CASQ1: variants seen among roughly 807,000 people sequenced by gnomAD.
CASQ1 encodes the protein calsequestrin-1.
CASQ1 carries 40 observed loss-of-function variants against 49.5 expected under a neutral mutation model. That is an observed-to-expected ratio of 0.81 (90% CI 0.63 to 1.05). The LOEUF (loss-of-function observed/expected upper bound fraction) is 1.05, where lower values mean the gene tolerates loss of function less well. CASQ1 is among the 50% of genes least tolerant of loss of function. The probability of loss-of-function intolerance (pLI) is 0.00; values close to 1 mark genes in which losing one functional copy is unlikely to be tolerated. For missense variants in CASQ1, 469 were observed against 486.9 expected, an observed-to-expected ratio of 0.96 and a Z score of 0.35; for synonymous variants, 174 against 187.2, an observed-to-expected ratio of 0.93 and a Z score of 0.58.
At chr1:160,199,162 G>GAT in intron 9 of CASQ1, 109 bp downstream of exon 9, 7 of 778,540 alleles carry the variant, frequency 9.0e-6, no homozygotes, top group Non-Finnish European at 1.6e-5. Flanking sequence ...CCTAGCTGGG[G>GAT]GGCCCTGGGA....
rs78641831 is a variant in CASQ1 at position 160,198,211 on chromosome 1, C to T, written c.829-466C>T. On this transcript the variant is annotated intron_variant, in intron 7 of 10. Coordinates refer to ENST00000368078, the MANE Select transcript of CASQ1 (RefSeq NM_001231.5). The stretch of plus-strand genomic sequence containing the variant: ...GTCACTTGGAAAAAGGTCACCATCA[C>T]AAGAATATATATGGCCAGGCGCAGT... 62 of 160,108 alleles carry T rather than the reference C, an allele frequency of 3.9e-4. 1 individual carries two copies. In the East Asian group the frequency reaches 0.01, roughly 26 times the overall value. 9.9% of individuals were successfully genotyped at this position (160,108 alleles called of 1,614,324 possible).
intron 3 of CASQ1, among the ~76,000 whole-genome samples, chr1:160,194,808 C>T (rs754067771): frequency 1.1e-4 from 16 of 149,374 alleles, no homozygotes; most frequent in Admixed American, 4.7e-4. Flanking sequence ...ATATCACATG[C>T]ACACACACAC....
chr1:160,196,516 C>T (rs531693541), intron 6 of CASQ1, among the ~76,000 whole-genome samples: 63 of 151,410 alleles, frequency 4.2e-4, no homozygotes, highest in African/African-American at 1.5e-3. Context: ...CTTACTCTAT[C>T]CCCTAGGCTG....
rs765926758 is a variant in CASQ1, at chr1:160,198,961, G to C, written c.892G>C (p.Glu298Gln). ...FAEEADPDGF[E>Q]FLETLKAVAQ... is the part of the protein sequence containing the mutation. ...CTTGTGTTCCCTCCAAGATGGTTTC[G>C]AGTTCTTAGAGACTCTCAAGGCTGT... The change falls in exon 9 of 11, where the codon GAG becomes CAG. Residue 298 changes from glutamate to glutamine, a missense_variant. Coordinates refer to ENST00000368078, the MANE Select transcript of CASQ1 (RefSeq NM_001231.5). The C allele has an allele frequency of 1.2e-6, 2 of 1,607,376 alleles. No homozygotes were observed. Among genetic ancestry groups the C allele is most frequent in the South Asian group, 2.2e-5 (2 of 90,928 alleles).
At chr1:160,199,149 C>G in intron 9 of CASQ1, 96 bp downstream of exon 9, 12 of 830,912 alleles carry the variant, frequency 1.4e-5, no homozygotes, top group Non-Finnish European at 2.5e-5. Context: ...CCCATCCCCA[C>G]CTCCTAGCTG....
At chr1:160,200,438 T>A (rs995534487) in intron 10 of CASQ1, among the ~76,000 whole-genome samples, 1 of 149,370 alleles carries the variant, frequency 6.7e-6, no homozygotes, top group Non-Finnish European at 1.5e-5. Flanking sequence ...TCTGATAAAC[T>A]TTATAATAAC....
chr1:160,197,733 G>A (rs1654276009), intron 7 of CASQ1, 119 bp downstream of exon 7: 1 of 734,056 alleles, frequency 1.4e-6, no homozygotes, highest in East Asian at 2.6e-5. Context: ...ACAGTGCACT[G>A]ACCAGCTGGG....
At chr1:160,195,246 CG>C (rs373165444) in intron 4 of CASQ1, 123 bp downstream of exon 4, 92 of 745,374 alleles carry the variant, frequency 1.2e-4, no homozygotes, top group African/African-American at 1.1e-3. Context: ...TTCCTCCAGC[CG>C]TGGTCAGCAC....
chr1:160,192,960 G>A, intron 2 of CASQ1, 74 bp downstream of exon 2: 1 of 1,166,312 alleles, frequency 8.6e-7, no homozygotes, highest in Non-Finnish European at 1.3e-6. Context: ...GGACCTGTCA[G>A]GCAGTCCTTG....
intron 2 of CASQ1, 56 bp from the exon 3 acceptor site, chr1:160,193,690 TG>T: frequency 9.7e-7 from 1 of 1,030,132 alleles, no homozygotes; most frequent in South Asian, 1.4e-5. Context: ...CTTGAATCTG[TG>T]GGAAGCCTGG....
Position 160,196,667 on chromosome 1 carries a change from G to A in CASQ1, c.782+640G>A, listed in dbSNP as rs148114941. Among the ~76,000 whole-genome samples the A allele has an allele frequency of 5.4e-4, 82 of 152,054 alleles. 1 individual carries two copies. The East Asian group carries it at 0.016, about 29-fold the overall frequency. ...ATTTTTGTATTTTTAGTAGAGATGG[G>A]GTTTCACCACGTTGGCCTGGCTGGT... is the stretch of plus-strand genomic sequence containing the variant. On this transcript the variant is annotated intron_variant, in intron 6 of 10. Coordinates refer to ENST00000368078, the MANE Select transcript of CASQ1 (RefSeq NM_001231.5).
In CASQ1 at chr1:160,192,891, G is replaced by C. The variant is rs377312806; in HGVS notation, c.364+5G>C. On this transcript the variant is annotated splice_donor_5th_base_variant and intron_variant, in intron 2 of 10. Transcript: ENST00000368078. ...CAGCTGTGGCCAAGAAACTAGGTAAGAGAGGGGAGGGCAGGGGAGGGGAAG... is the reference window on the plus strand; with the variant it reads ...CAGCTGTGGCCAAGAAACTAGGTAACAGAGGGGAGGGCAGGGGAGGGGAAG... 17 of 1,612,278 alleles carry C rather than the reference G, an allele frequency of 1.1e-5. No individual in the cohort carries two copies. The highest frequency in any genetic ancestry group is 1.7e-4 in the Middle Eastern group (1 of 6,060).
At chr1:160,198,796 C>T (rs1654302885) in intron 8 of CASQ1, 65 bp downstream of exon 8, 2 of 1,437,562 alleles carry the variant, frequency 1.4e-6, no homozygotes, top group Non-Finnish European at 2.0e-6. Flanking sequence ...TTTATTGGAG[C>T]ATGGGCCTCA....
intron 7 of CASQ1, among the ~76,000 whole-genome samples, chr1:160,198,004 C>A (rs1430172833): frequency 6.6e-6 from 1 of 151,430 alleles, no homozygotes; most frequent in Non-Finnish European, 1.5e-5. Context: ...GAGTGAGACT[C>A]CGTCTCAAAA....
At chr1:160,198,832 A>G (rs754772213) in intron 8 of CASQ1, 101 bp downstream of exon 8, 13 of 1,266,802 alleles carry the variant, frequency 1.0e-5, no homozygotes, top group Non-Finnish European at 1.5e-5. Context: ...GGGAGTTTGC[A>G]AACAGCCTAG....
At chr1:160,194,899 C>A in intron 3 of CASQ1, 113 bp from the exon 4 acceptor site, 1 of 643,502 alleles carries the variant, frequency 1.6e-6, no homozygotes, top group East Asian at 2.7e-5. Context: ...CACACCCACA[C>A]ACTGTCAACA....
chr1:160,196,519 C>T (rs1654245931), intron 6 of CASQ1, among the ~76,000 whole-genome samples: 1 of 151,638 alleles, frequency 6.6e-6, no homozygotes, highest in Non-Finnish European at 1.5e-5. Context: ...ACTCTATCCC[C>T]TAGGCTGGAG....
In CASQ1 at chr1:160,190,845, G is replaced by T. The variant is rs1005317138; in HGVS notation, c.94G>T (p.Val32Leu). The change falls in exon 1 of 11, where the codon GTA (valine) becomes TTA (leucine). Residue 32 changes from valine to leucine, a missense_variant. Physicochemically the swap from Val to Leu is conservative, Grantham distance 32. Transcript: ENST00000368078. ...GGTGCTAGGGACACCCAAGTCAGGG[G>T]TACAGGGGCAGGAAGGGCTGGACTT... is the stretch of plus-strand genomic sequence containing the variant. ...LLVLGTPKSGVQGQEGLDFPE... is the reference protein window; with the variant it reads ...LLVLGTPKSGLQGQEGLDFPE... The T allele has an allele frequency of 6.2e-7, 1 of 1,614,088 alleles. No homozygotes were observed. Among genetic ancestry groups the T allele is most frequent in the African/African-American group, 1.3e-5 (1 of 74,924 alleles).
chr1:160,192,938 G>A (rs1339571644), intron 2 of CASQ1, 52 bp downstream of exon 2: 1 of 1,471,886 alleles, frequency 6.8e-7, no homozygotes, highest in African/African-American at 1.4e-5. Flanking sequence ...ACAAGGGGAG[G>A]CTTAGGGCGG....
Sources: allele counts gnomAD v4.1 joint callset (sites outside exome capture counted in the v4.1 genomes callset), GRCh38; gene constraint gnomAD v4.1.1; transcripts MANE v1.5; gene names NCBI Gene and HGNC (gene_info 2026-07-23, HGNC 2026-07-21).